NEURL1: variants seen among roughly 807,000 people sequenced by gnomAD.
NEURL1 encodes E3 ubiquitin-protein ligase NEURL1.
A neutral mutation model predicts 41.2 loss-of-function variants in NEURL1; 26 were observed. That is an observed-to-expected ratio of 0.63 (90% CI 0.46 to 0.87). The LOEUF (loss-of-function observed/expected upper bound fraction) is 0.87, where lower values mean the gene tolerates loss of function less well. NEURL1 is among the 40% of genes least tolerant of loss of function. NEURL1 has a pLI of 0.00. For synonymous variants in NEURL1, 400 were observed against 402.3 expected, an observed-to-expected ratio of 0.99 and a Z score of 0.07; for missense variants, 761 against 871.1, an observed-to-expected ratio of 0.87 and a Z score of 1.59.
In NEURL1 at chr10:103,560,519, C is replaced by T. The variant is rs186367020; in HGVS notation, c.86-10353C>T. 2.0e-3 allele frequency among the ~76,000 whole-genome samples: 309 copies of T among 152,252 alleles called. 3 individuals are homozygous for T. Among genetic ancestry groups the T allele is most frequent in the Non-Finnish European group, 3.3e-3 (223 of 68,000 alleles). ...TGACTATGAAGGTGCCAGTCTTAAC[C>T]GTTGCCTGCCACTTTCTTTCACCCA... On this transcript the variant is annotated intron_variant, in intron 1 of 5. Coordinates refer to ENST00000369780, the MANE Select transcript of NEURL1 (RefSeq NM_004210.5).
intron 1 of NEURL1, among the ~76,000 whole-genome samples, chr10:103,534,678 C>G (rs1345590794): frequency 6.6e-6 from 1 of 152,176 alleles, no homozygotes; most frequent in East Asian, 1.9e-4. Flanking sequence ...CCAAGGGTAT[C>G]TCTCTTGGTA....
At chr10:103,522,321 C>T (rs1203729934) in intron 1 of NEURL1, among the ~76,000 whole-genome samples, 4 of 151,578 alleles carry the variant, frequency 2.6e-5, no homozygotes, top group African/African-American at 9.7e-5. Flanking sequence ...TCTTAAAAGT[C>T]CTCTTGCCAG....
intron 1 of NEURL1, among the ~76,000 whole-genome samples, chr10:103,504,390 C>T (rs757805738): frequency 5.2e-4 from 79 of 152,098 alleles, no homozygotes; most frequent in African/African-American, 1.5e-3. Context: ...TTACTGGTTA[C>T]GTATTTGTAG....
chr10:103,562,327 G>A (rs932673519), intron 1 of NEURL1, among the ~76,000 whole-genome samples: 1 of 152,210 alleles, frequency 6.6e-6, no homozygotes, highest in African/African-American at 2.4e-5. Flanking sequence ...AGGTTGCAGT[G>A]AGCCAAGATC....
At chr10:103,587,734 ATGT>A (rs1419663663) in intron 4 of NEURL1, among the ~76,000 whole-genome samples, 2 of 152,236 alleles carry the variant, frequency 1.3e-5, no homozygotes, top group African/African-American at 4.8e-5. Context: ...TGGCTTACAG[ATGT>A]TGTTCTGAAA....
intron 1 of NEURL1, among the ~76,000 whole-genome samples, chr10:103,568,000 G>A (rs1006174118): frequency 2.6e-5 from 4 of 152,174 alleles, no homozygotes; most frequent in Non-Finnish European, 4.4e-5. Flanking sequence ...ACATGACTAC[G>A]TGTGTGTGTA....
chr10:103,565,005 C>T (rs1291547416), intron 1 of NEURL1, among the ~76,000 whole-genome samples: 2 of 152,188 alleles, frequency 1.3e-5, no homozygotes, highest in Non-Finnish European at 2.9e-5. Flanking sequence ...GAGTGCTGGG[C>T]ACAGCGCATC....
chr10:103,521,413 A>C (rs1282772633), intron 1 of NEURL1, among the ~76,000 whole-genome samples: 1 of 152,180 alleles, frequency 6.6e-6, no homozygotes, highest in East Asian at 1.9e-4. Context: ...GACTCGAGAC[A>C]TGTGAGTAAA....
chr10:103,563,414 G>A (rs1412312723), intron 1 of NEURL1, among the ~76,000 whole-genome samples: 3 of 152,238 alleles, frequency 2.0e-5, no homozygotes, highest in East Asian at 1.9e-4. Context: ...TTGAACCCAC[G>A]GCCTCTTGCC....
intron 1 of NEURL1, among the ~76,000 whole-genome samples, chr10:103,549,784 G>T (rs2133867168): frequency 6.6e-6 from 1 of 151,994 alleles, no homozygotes; most frequent in Non-Finnish European, 1.5e-5. Flanking sequence ...CCCCTCCCTT[G>T]TCCAGTGTTG....
intron 1 of NEURL1, among the ~76,000 whole-genome samples, chr10:103,529,038 GA>G (rs111800616): frequency 1.3e-5 from 2 of 152,142 alleles, no homozygotes; most frequent in African/African-American, 2.4e-5. Flanking sequence ...CTAAATTGCA[GA>G]AAAAAACTAA....
chr10:103,498,523 G>A (rs1002998007), intron 1 of NEURL1, among the ~76,000 whole-genome samples: 5 of 152,198 alleles, frequency 3.3e-5, no homozygotes, highest in Non-Finnish European at 7.3e-5. Context: ...ACCGCGCCAG[G>A]CCCATTGTTT....
chr10:103,507,318 G>A (rs374424790), intron 1 of NEURL1, among the ~76,000 whole-genome samples: 13 of 152,290 alleles, frequency 8.5e-5, no homozygotes, highest in African/African-American at 3.1e-4. Flanking sequence ...TTAAACAGAA[G>A]AGTGACAGGA....
chr10:103,511,742 A>G (rs2034076824), intron 1 of NEURL1: 1 of 152,306 alleles, frequency 6.6e-6, no homozygotes, highest in Non-Finnish European at 1.5e-5. Flanking sequence ...CCTGGGCTTC[A>G]CCATCCTCGC....
chr10:103,561,726 G>T (rs972202550), intron 1 of NEURL1, among the ~76,000 whole-genome samples: 1 of 152,214 alleles, frequency 6.6e-6, no homozygotes, highest in Admixed American at 6.5e-5. Flanking sequence ...GGATTGGAGG[G>T]TGTGATCAGG....
At chr10:103,552,299 C>G (rs994656432) in intron 1 of NEURL1, among the ~76,000 whole-genome samples, 2 of 152,176 alleles carry the variant, frequency 1.3e-5, no homozygotes, top group East Asian at 3.9e-4. Flanking sequence ...AGTCTTCGCC[C>G]TTCTCCTCAA....
At chr10:103,571,216 C>T (rs542415497) in intron 2 of NEURL1, 103 bp downstream of exon 2, 23 of 1,178,372 alleles carry the variant, frequency 2.0e-5, no homozygotes, top group African/African-American at 1.5e-4. Flanking sequence ...CCTGCTGCCA[C>T]CCCCAGCACC....
chr10:103,523,455 C>CA (rs1381623422), intron 1 of NEURL1, among the ~76,000 whole-genome samples: 4,046 of 129,830 alleles, frequency 0.031, 71 homozygotes, highest in African/African-American at 0.061. Context: ...GACCTTGTCT[C>CA]AAAAAAAAAA....
chr10:103,590,145 A>G lies in NEURL1; in HGVS notation c.1498A>G (p.Asn500Asp). Reference protein sequence around the residue: ...LGSSAGGTAPNSPVSLPESPV... With the variant: ...LGSSAGGTAPDSPVSLPESPV... ...CCCCTTGTCCTCAGGGACAGCCCCCAATTCGCCAGTGAGCCTGCCCGAGTC... is the reference window on the plus strand; with the variant it reads ...CCCCTTGTCCTCAGGGACAGCCCCCGATTCGCCAGTGAGCCTGCCCGAGTC... The change falls in exon 6 of 6, where the codon AAT (asparagine) becomes GAT (aspartate). Residue 500 changes from asparagine to aspartate, a missense_variant. Transcript: ENST00000369780. The G allele has an allele frequency of 6.2e-7, 1 of 1,613,852 alleles. No homozygotes were observed. The highest frequency in any genetic ancestry group is 8.5e-7 in the Non-Finnish European group (1 of 1,180,018).
Sources: allele counts gnomAD v4.1 joint callset (sites outside exome capture counted in the v4.1 genomes callset), GRCh38; gene constraint gnomAD v4.1.1; transcripts MANE v1.5; gene names NCBI Gene and HGNC (gene_info 2026-07-23, HGNC 2026-07-21).